Variants in CPNE3 observed in about 807,000 individuals in gnomAD.
CPNE3 encodes the protein copine 3.
Under a neutral mutation model 63.9 loss-of-function variants are expected in CPNE3, and 68 were observed. That is an observed-to-expected ratio of 1.06 (90% confidence interval 0.87 to 1.30). The LOEUF (loss-of-function observed/expected upper bound fraction) is 1.30. Among genes scored for constraint, CPNE3 ranks in the 50% most tolerant of loss-of-function variants. The pLI, the probability that CPNE3 is intolerant of heterozygous loss-of-function variation, is 0.00. For synonymous variants in CPNE3, 219 were observed against 197.5 expected, an observed-to-expected ratio of 1.11 and a Z score of -0.91; for missense variants, 665 against 578.1, an observed-to-expected ratio of 1.15 and a Z score of -1.54.
intron 9 of CPNE3, among the ~76,000 whole-genome samples, chr8:86,546,043 A>G (rs2131480330): frequency 6.6e-6 from 1 of 152,266 alleles, no homozygotes; most frequent in South Asian, 2.1e-4. Context: ...TTTTGGGGGA[A>G]GGAAATATAA....
chr8:86,546,796 C>T (rs760778835), intron 10 of CPNE3, 115 bp downstream of exon 10: 16 of 1,110,276 alleles, frequency 1.4e-5, no homozygotes, highest in Non-Finnish European at 1.8e-5. Context: ...ACTGCAACCT[C>T]TGCCTCCTGG....
chr8:86,552,116 G>C (rs1465380119), intron 14 of CPNE3, among the ~76,000 whole-genome samples: 1 of 152,202 alleles, frequency 6.6e-6, no homozygotes, highest in Non-Finnish European at 1.5e-5. Flanking sequence ...TGGGAGCAGA[G>C]GCATAATTTA....
intron 14 of CPNE3, among the ~76,000 whole-genome samples, chr8:86,552,412 G>T (rs1056681931): frequency 9.2e-5 from 14 of 152,208 alleles, no homozygotes; most frequent in Middle Eastern, 3.4e-3. Flanking sequence ...TTCTTTTTAA[G>T]AAATATGCTT....
Position 86,552,962 on chromosome 8 carries a change from GCCCCC to G in CPNE3, c.1120+1740_1120+1744del, listed in dbSNP as rs1173984951. 8.5e-4 allele frequency among the ~76,000 whole-genome samples: 3 copies of G among 3,510 alleles called. No homozygotes were observed. The East Asian group carries it at 0.033, about 38-fold the overall frequency. 2.3% of individuals were successfully genotyped at this position (3,510 alleles called of 152,430 possible). A position where few individuals can be genotyped will look rare whatever the true frequency, so the allele number is the denominator to read the frequency against. On this transcript the variant is annotated intron_variant, in intron 14 of 16. Coordinates refer to ENST00000517490, the MANE Select transcript of CPNE3 (RefSeq NM_003909.5). Reference sequence around the variant, plus strand: ...TCAAGCAATTCTCCTGCCACAGCCCGCCCCCCCCCCCCCCCCGCCCACAACCGAGT... The same window carrying G: ...TCAAGCAATTCTCCTGCCACAGCCCGCCCCCCCCCCCGCCCACAACCGAGT...
chr8:86,529,781 TA>T (rs1375776407), intron 4 of CPNE3, among the ~76,000 whole-genome samples: 1 of 152,196 alleles, frequency 6.6e-6, no homozygotes, highest in Non-Finnish European at 1.5e-5. Flanking sequence ...ACCATTTGCA[TA>T]GACTGAAGAA....
At position 86,560,811 on chromosome 8, in the gene CPNE3, C is replaced by G. The variant is rs1404009477; in HGVS notation, c.*2401C>G. The G allele has an allele frequency of 1.3e-5, 2 of 152,082 alleles. No individual in the cohort carries two copies. The highest frequency in any genetic ancestry group is 2.9e-5 in the Non-Finnish European group (2 of 68,010). The allele number at this position is 152,082 out of a possible 1,614,324, so 9.4% of individuals were successfully genotyped here. ...GTTTTACATTAAAATAGTCCTTTTC[C>G]CTGTTGTGCCACCATTCATTTAAGT... On this transcript the variant is annotated 3_prime_UTR_variant, in exon 17 of 17. Transcript: ENST00000517490.
chr8:86,536,955 G>C (rs1014060705), intron 6 of CPNE3, among the ~76,000 whole-genome samples: 2 of 152,172 alleles, frequency 1.3e-5, no homozygotes, highest in Non-Finnish European at 2.9e-5. Flanking sequence ...AGAAATAGAA[G>C]ATGTAGTTTG....
At chr8:86,536,911 A>G (rs1292432534) in intron 6 of CPNE3, among the ~76,000 whole-genome samples, 1 of 152,156 alleles carries the variant, frequency 6.6e-6, no homozygotes, top group Non-Finnish European at 1.5e-5. Context: ...AGTGTGCTTG[A>G]GCATTGTATA....
At chr8:86,532,486 T>A (rs1820703990) in intron 5 of CPNE3, 23 bp from the exon 6 acceptor site, 3 of 1,583,570 alleles carry the variant, frequency 1.9e-6, no homozygotes, top group Non-Finnish European at 2.6e-6. Flanking sequence ...ATATTTTCTT[T>A]CACTTACCTG....
intron 6 of CPNE3, among the ~76,000 whole-genome samples, chr8:86,535,096 G>T (rs1444766521): frequency 6.6e-6 from 1 of 152,110 alleles, no homozygotes; most frequent in Non-Finnish European, 1.5e-5. Context: ...GATGACAAGA[G>T]CTTCAAAGAA....
At position 86,548,451 on chromosome 8, in the gene CPNE3, A is replaced by C; in HGVS notation, c.1013+17A>C. On this transcript the variant is annotated intron_variant, in intron 12 of 16. Transcript: ENST00000517490. ...TTATGATGCGTGAGTATGACTTTGGAAAAACTAAAATACATGTTTTCACAA... is the reference window on the plus strand; with the variant it reads ...TTATGATGCGTGAGTATGACTTTGGCAAAACTAAAATACATGTTTTCACAA... The C allele has an allele frequency of 6.2e-7, 1 of 1,613,682 alleles. No individual in the cohort carries two copies. Among genetic ancestry groups the C allele is most frequent in the East Asian group, 2.2e-5 (1 of 44,860 alleles).
At chr8:86,523,438 G>A (rs1311833658) in intron 2 of CPNE3, among the ~76,000 whole-genome samples, 1 of 152,110 alleles carries the variant, frequency 6.6e-6, no homozygotes, top group African/African-American at 2.4e-5. Flanking sequence ...TATGTTCGCT[G>A]CCCACAGTTC....
In CPNE3 at chr8:86,541,470, G is replaced by A. The variant is rs139964218; in HGVS notation, c.633+1136G>A. ...TATAATCCCAGCACTTTGGGAGGCC[G>A]AGGCGGGCAAATTGCCTGAGCTCAG... On this transcript the variant is annotated intron_variant, in intron 8 of 16. Transcript: ENST00000517490. Among the ~76,000 whole-genome samples the A allele has an allele frequency of 2.4e-3, 359 of 152,180 alleles. 1 individual carries two copies. The highest frequency in any genetic ancestry group is 8.3e-3 in the African/African-American group (344 of 41,520).
chr8:86,527,946 ATTTT>A (rs869225401), intron 2 of CPNE3, among the ~76,000 whole-genome samples: 5 of 85,968 alleles, frequency 5.8e-5, no homozygotes, highest in African/African-American at 1.7e-4. Context: ...GTAAAAAGAA[ATTTT>A]TTTTTTTTTT....
intron 2 of CPNE3, among the ~76,000 whole-genome samples, chr8:86,518,772 T>C (rs999791115): frequency 2.0e-5 from 3 of 151,516 alleles, no homozygotes; most frequent in Non-Finnish European, 2.9e-5. Flanking sequence ...TAAAAAAAAA[T>C]ATTTATTTAT....
intron 2 of CPNE3, among the ~76,000 whole-genome samples, chr8:86,525,160 T>G (rs1820515537): frequency 6.6e-6 from 1 of 152,058 alleles, no homozygotes; most frequent in Non-Finnish European, 1.5e-5. Flanking sequence ...CAGCCTAAAA[T>G]TTTTTGTTTT....
chr8:86,517,557 G>A (rs1475645208), intron 2 of CPNE3, among the ~76,000 whole-genome samples: 1 of 152,164 alleles, frequency 6.6e-6, no homozygotes. Flanking sequence ...TTATGTGTCA[G>A]AATTTTTTAA....
chr8:86,544,682 A>G (rs755445339), intron 8 of CPNE3, 58 bp from the exon 9 acceptor site: 1 of 851,458 alleles, frequency 1.2e-6, no homozygotes, highest in East Asian at 3.4e-5. Context: ...TATTGCAGCC[A>G]ATACTTTTTA....
intron 8 of CPNE3, among the ~76,000 whole-genome samples, chr8:86,543,296 A>G (rs1214628395): frequency 2.0e-5 from 3 of 152,160 alleles, no homozygotes; most frequent in Non-Finnish European, 2.9e-5. Context: ...CTGTTACTCA[A>G]AATTGAAATT....
Sources: gnomAD v4.1 joint callset for allele counts (sites outside exome capture counted in the v4.1 genomes callset) on GRCh38, gnomAD v4.1.1 for gene constraint, MANE v1.5 for transcripts, NCBI Gene and HGNC (gene_info 2026-07-23, HGNC 2026-07-21) for gene names.